Variants in DSC3 observed in about 807,000 individuals in gnomAD.
DSC3 encodes desmocollin 3.
DSC3 carries 97 observed loss-of-function variants against 89.5 expected under a neutral mutation model. The observed-to-expected ratio is 1.08, with a 90% CI of 0.92 to 1.28. The LOEUF is 1.28. DSC3 is among the 50% of genes most tolerant of loss of function. The pLI is 0.00. For missense variants in DSC3, 1,199 were observed against 1,085.3 expected, an observed-to-expected ratio of 1.10 and a Z score of -1.47; for synonymous variants, 436 against 384.1, an observed-to-expected ratio of 1.14 and a Z score of -1.58.
At chr18:31,007,534 G>A (rs755094267) in intron 11 of DSC3, among the ~76,000 whole-genome samples, 19 of 151,872 alleles carry the variant, frequency 1.3e-4, no homozygotes, top group Admixed American at 1.1e-3. Flanking sequence ...CTCCACAACC[G>A]GATATTCTGA....
rs758677438 is a variant in DSC3, at chr18:31,022,496, G to C, written c.782C>G (p.Thr261Arg). 1.2e-6 allele frequency: 2 copies of C among 1,613,948 alleles called. No individual in the cohort carries two copies. The highest frequency in any genetic ancestry group is 2.2e-5 in the East Asian group (1 of 44,870). ...EVLESSRPGTTVGVVCATDRD... is the reference protein window; with the variant it reads ...EVLESSRPGTRVGVVCATDRD... ...GTCTGTGGCACAAACCACCCCCACTGTAGTACCTACACATTAAAAAATAAA... is the reference window on the plus strand; with the variant it reads ...GTCTGTGGCACAAACCACCCCCACTCTAGTACCTACACATTAAAAAATAAA... Residue 261 changes from threonine (T) to arginine (R), a missense_variant, in exon 7 of 16, where the codon ACA becomes AGA. By Grantham distance (71) the Thr-to-Arg change is moderately conservative (BLOSUM62 -1). Transcript: ENST00000360428.
chr18:31,022,926 T>C (rs1985472436), intron 6 of DSC3, among the ~76,000 whole-genome samples: 1 of 152,198 alleles, frequency 6.6e-6, no homozygotes, highest in South Asian at 2.1e-4. Flanking sequence ...GCAGTAATAA[T>C]ATAGATGATC....
chr18:31,001,882 A>G (rs1448322411), intron 13 of DSC3, 143 bp from the exon 14 acceptor site: 2 of 648,672 alleles, frequency 3.1e-6, no homozygotes, highest in East Asian at 5.7e-5. Context: ...TGGCTGTTCT[A>G]AGTTAACATG....
intron 1 of DSC3, among the ~76,000 whole-genome samples, chr18:31,032,554 A>ATGTGTGTG (rs936935279): frequency 1.6e-4 from 15 of 92,376 alleles, no homozygotes; most frequent in South Asian, 5.2e-4. Context: ...TTCTGTGTGT[A>ATGTGTGTG]TGTGTGTGTG....
At chr18:31,032,589 T>TGTGC (rs761698669) in intron 1 of DSC3, among the ~76,000 whole-genome samples, 7 of 112,600 alleles carry the variant, frequency 6.2e-5, no homozygotes, top group African/African-American at 2.3e-4. Flanking sequence ...TGTGTGTGTG[T>TGTGC]GCGTGTGCGT....
rs1222542700 is a variant in DSC3 at position 30,993,914 on chromosome 18, TA to T, written c.*260del. 0.028 allele frequency: 8,401 copies of T among 297,802 alleles called. No individual in the cohort carries two copies. Among genetic ancestry groups the T allele is most frequent in the Middle Eastern group, 0.042 (38 of 902 alleles). The allele number at this position is 297,802 out of a possible 1,614,324, so 18.4% of individuals were successfully genotyped here. ...AGCATATTTATTACTAAAATATCCGTAAAAAAAAAAAAGAGCAGATGCTTTA... is the reference window on the plus strand; with the variant it reads ...AGCATATTTATTACTAAAATATCCGTAAAAAAAAAAAGAGCAGATGCTTTA... On this transcript the variant is annotated 3_prime_UTR_variant, in exon 16 of 16. Transcript: ENST00000360428.
chr18:31,017,300 T>C (rs1985267260), intron 9 of DSC3, among the ~76,000 whole-genome samples: 2 of 152,176 alleles, frequency 1.3e-5, no homozygotes, highest in African/African-American at 4.8e-5. Context: ...GATGCCACTT[T>C]ACTGTTTTTG....
chr18:31,018,197 T>A lies in DSC3; in HGVS notation c.1137A>T (p.Glu379Asp). ...FNVEILRIPI[E>D]DKDLINTANW... ...TGGCAGTGTTAATTAAATCCTTATC[T>A]TCTATAGGTATTCGTAAGATTTCCA... is the stretch of plus-strand genomic sequence containing the variant. The change falls in exon 9 of 16, where the codon GAA becomes GAT. Residue 379 changes from glutamate (E) to aspartate (D), a missense_variant. Coordinates refer to ENST00000360428, the MANE Select transcript of DSC3 (RefSeq NM_001941.5). 1.9e-6 allele frequency: 3 copies of A among 1,612,426 alleles called. No homozygotes were observed. The South Asian group carries it at 3.3e-5, about 18-fold the overall frequency.
At chr18:31,024,096 C>T (rs1985513870) in intron 6 of DSC3, among the ~76,000 whole-genome samples, 1 of 152,054 alleles carries the variant, frequency 6.6e-6, no homozygotes, top group African/African-American at 2.4e-5. Flanking sequence ...CTGAATATTA[C>T]ACAAAGCTTG....
chr18:31,012,164 T>A (rs957166502), intron 9 of DSC3, among the ~76,000 whole-genome samples: 1 of 152,092 alleles, frequency 6.6e-6, no homozygotes, highest in Admixed American at 6.6e-5. Context: ...CAAATTTTAT[T>A]AATCAAAATG....
intron 11 of DSC3, among the ~76,000 whole-genome samples, chr18:31,007,591 A>G (rs1360066739): frequency 6.6e-6 from 1 of 152,172 alleles, no homozygotes; most frequent in Non-Finnish European, 1.5e-5. Context: ...TTTTATTTTA[A>G]TGTGAAGACA....
rs1313580 is a variant in DSC3, at chr18:31,001,595, A to T, written c.2235+23T>A. ...ATTAAATTATCGGAGATACAAATACATATTTATTTAAAAATTACTTACCAC... is the reference window on the plus strand; with the variant it reads ...ATTAAATTATCGGAGATACAAATACTTATTTATTTAAAAATTACTTACCAC... On this transcript the variant is annotated intron_variant, in intron 14 of 15. Transcript: ENST00000360428. 642 of 1,607,036 alleles carry T rather than the reference A, an allele frequency of 4.0e-4. 3 individuals are homozygous for T. The African/African-American group carries it at 7.9e-3, about 20-fold the overall frequency.
intron 14 of DSC3, among the ~76,000 whole-genome samples, chr18:31,000,202 A>G (rs1475007039): frequency 6.6e-6 from 1 of 152,156 alleles, no homozygotes; most frequent in Admixed American, 6.6e-5. Flanking sequence ...CTGGATATGT[A>G]GTCGTTGTCC....
In DSC3 at chr18:30,991,021, C is replaced by T. The variant is rs554837605; in HGVS notation, c.*3154G>A. On this transcript the variant is annotated 3_prime_UTR_variant, in exon 16 of 16. Transcript: ENST00000360428. ...CATAAGCATAATTTTGCAAAGTGATCATCTTAGAATTATTTAATCTCTAAA... is the reference window on the plus strand; with the variant it reads ...CATAAGCATAATTTTGCAAAGTGATTATCTTAGAATTATTTAATCTCTAAA... 2 of 152,174 alleles carry T rather than the reference C, an allele frequency of 1.3e-5. No homozygotes were observed. Among genetic ancestry groups the T allele is most frequent in the Non-Finnish European group, 2.9e-5 (2 of 68,018 alleles). 9.4% of individuals were successfully genotyped at this position (152,174 alleles called of 1,614,324 possible).
intron 4 of DSC3, among the ~76,000 whole-genome samples, chr18:31,027,827 T>C (rs987808843): frequency 1.3e-5 from 2 of 152,122 alleles, no homozygotes; most frequent in African/African-American, 2.4e-5. Flanking sequence ...TGAAAACTCT[T>C]TAATAAATGG....
intron 13 of DSC3, among the ~76,000 whole-genome samples, chr18:31,002,883 G>A (rs1020325378): frequency 3.9e-5 from 6 of 152,162 alleles, no homozygotes; most frequent in African/African-American, 1.4e-4. Flanking sequence ...GGCCTGCAAA[G>A]CTTGACATAT....
At position 30,992,743 on chromosome 18, in the gene DSC3, C is replaced by T. The variant is rs746345147; in HGVS notation, c.*1432G>A. The T allele has an allele frequency of 2.0e-5, 3 of 152,146 alleles. No individual in the cohort carries two copies. The highest frequency in any genetic ancestry group is 4.4e-5 in the Non-Finnish European group (3 of 68,016). 9.4% of individuals were successfully genotyped at this position (152,146 alleles called of 1,614,324 possible). A position where few individuals can be genotyped will look rare whatever the true frequency, so the allele number is the denominator to read the frequency against. The stretch of plus-strand genomic sequence containing the variant: ...TATACATTCAAAATTTCTATTTCTT[C>T]TATTATTTTAAAATTTCTCTGGAGA... On this transcript the variant is annotated 3_prime_UTR_variant, in exon 16 of 16. Transcript: ENST00000360428.
chr18:31,019,984 T>C lies in DSC3; in HGVS notation c.943-1184A>G, dbSNP rs998230065. Among the ~76,000 whole-genome samples, 24 of 151,978 alleles carry C rather than the reference T, an allele frequency of 1.6e-4. 1 individual carries two copies. Among genetic ancestry groups the C allele is most frequent in the Admixed American group, 5.9e-4 (9 of 15,256 alleles). ...TTGGAGAGATAGGAAGACAGGTGCA[T>C]CATCAAACAATACAAGAAATGCAGG... On this transcript the variant is annotated intron_variant, in intron 7 of 15. Coordinates refer to ENST00000360428, the MANE Select transcript of DSC3 (RefSeq NM_001941.5).
chr18:30,996,912 G>T lies in DSC3; in HGVS notation c.2372C>A (p.Ser791Tyr), dbSNP rs267605140. The T allele has an allele frequency of 2.5e-6, 4 of 1,614,010 alleles. No individual in the cohort carries two copies. The East Asian group carries it at 8.9e-5, about 36-fold the overall frequency. Residue 791 changes from serine to tyrosine, a missense_variant, in exon 15 of 16, where the codon TCC becomes TAC. Physicochemically the swap from Ser to Tyr is moderately radical, Grantham distance 144. Transcript: ENST00000360428. ...ATGATGATGCCCAGCCCCCCGGCAGGATTCCAAGGTCTGGTTTCCTCCTTT... is the reference window on the plus strand; with the variant it reads ...ATGATGATGCCCAGCCCCCCGGCAGTATTCCAAGGTCTGGTTTCCTCCTTT... ...MMKGGNQTLE[S>Y]CRGAGHHHTL...
Sources: gnomAD v4.1 joint callset for allele counts (sites outside exome capture counted in the v4.1 genomes callset) on GRCh38, gnomAD v4.1.1 for gene constraint, MANE v1.5 for transcripts, NCBI Gene and HGNC (gene_info 2026-07-23, HGNC 2026-07-21) for gene names.